Variants in FOXD2 observed in about 807,000 individuals in gnomAD.
The protein encoded by FOXD2 is forkhead box D2.
Under a neutral mutation model 6.4 loss-of-function variants are expected in FOXD2, and 4 were observed. The ratio of observed to expected loss-of-function variants is 0.62; its 90% confidence interval spans 0.31 to 1.42. The LOEUF (loss-of-function observed/expected upper bound fraction) is 1.42. Ranked by LOEUF, FOXD2 falls within the 40% of genes most tolerant of loss-of-function variation. The pLI, the probability that FOXD2 is intolerant of heterozygous loss-of-function variation, is 0.08. For synonymous variants in FOXD2, 393 were observed against 373.6 expected (o/e 1.05, Z -0.60); for missense variants, 709 against 766.8 (o/e 0.92, Z 0.89).
chr1:47,439,898 T>G lies in FOXD2; in HGVS notation c.*275T>G. On this transcript the variant is annotated 3_prime_UTR_variant, in exon 1 of 1. Transcript: ENST00000334793. The stretch of plus-strand genomic sequence containing the variant: ...AAATAAAAGCAGGGGGGTGGGGGCT[T>G]CGTTTTTTTCCCTGCCTCTGCGCCT... The G allele has an allele frequency of 2.3e-6, 1 of 437,628 alleles. No homozygotes were observed. The highest frequency in any genetic ancestry group is 4.2e-6 in the Non-Finnish European group (1 of 239,476). The allele number at this position is 437,628 out of a possible 1,614,324, so 27.1% of individuals were successfully genotyped here.
chr1:47,439,011 G>GCACCCA lies in FOXD2; in HGVS notation c.879_880insCCACAC (p.Pro292_His293dup), dbSNP rs1190818993. 4.2e-6 allele frequency: 6 copies of GCACCCA among 1,445,436 alleles called. No individual in the cohort carries two copies. Among genetic ancestry groups the GCACCCA allele is most frequent in the East Asian group, 6.2e-5 (2 of 32,280 alleles). The allele number at this position is 1,445,436 out of a possible 1,614,324, so 89.5% of individuals were successfully genotyped here. A position where few individuals can be genotyped will look rare whatever the true frequency, so the allele number is the denominator to read the frequency against. The stretch of plus-strand genomic sequence containing the variant: ...CGGCCCCGCATCCGCACCCGCACCC[G>GCACCCA]CACGCCTTCGCTTTCGCCGCGGCAG... On this transcript the variant is annotated inframe_insertion, in exon 1 of 1. Transcript: ENST00000334793.
chr1:47,439,176 G>A lies in FOXD2; in HGVS notation c.1041G>A (p.Pro347=). The A allele has an allele frequency of 1.4e-6, 2 of 1,437,488 alleles. No individual in the cohort carries two copies. Among genetic ancestry groups the A allele is most frequent in the South Asian group, 1.4e-5 (1 of 71,922 alleles). 89.0% of individuals were successfully genotyped at this position (1,437,488 alleles called of 1,614,324 possible). A position where few individuals can be genotyped will look rare whatever the true frequency, so the allele number is the denominator to read the frequency against. The change falls in exon 1 of 1, where the codon CCG becomes CCA. Residue 347 remains proline, a synonymous_variant. Transcript: ENST00000334793. ...PAPASGSGPG[P]GPAGLPAFLG... is the part of the protein sequence containing the mutation. ...CTGCCTCAGGCTCGGGCCCGGGCCC[G>A]GGCCCCGCAGGCCTGCCCGCCTTCC... is the stretch of plus-strand genomic sequence containing the variant.
chr1:47,438,130 G>A lies in FOXD2; in HGVS notation c.-6G>A. Reference sequence around the variant, plus strand: ...GGAGAGTGGCGGCGGCGGCGGCAGCGGCACCATGACCCTGGGCAGCTGCTG... The same window carrying A: ...GGAGAGTGGCGGCGGCGGCGGCAGCAGCACCATGACCCTGGGCAGCTGCTG... On this transcript the variant is annotated 5_prime_UTR_variant, in exon 1 of 1. Transcript: ENST00000334793. The A allele has an allele frequency of 2.8e-6, 4 of 1,414,998 alleles. No homozygotes were observed. Among genetic ancestry groups the A allele is most frequent in the Non-Finnish European group, 3.7e-6 (4 of 1,087,822 alleles). 87.7% of individuals were successfully genotyped at this position (1,414,998 alleles called of 1,614,324 possible).
Position 47,439,643 on chromosome 1 carries a change from G to A in FOXD2, c.*20G>A. The A allele has an allele frequency of 6.5e-7, 1 of 1,543,370 alleles. No homozygotes were observed. Among genetic ancestry groups the A allele is most frequent in the Non-Finnish European group, 8.7e-7 (1 of 1,144,222 alleles). ...TTCTGACCGCAGCAGGCCCAGGGCC[G>A]GTTAGGTCCGCACTCCTCAGCCTCT... On this transcript the variant is annotated 3_prime_UTR_variant, in exon 1 of 1. Transcript: ENST00000334793.
Position 47,438,439 on chromosome 1 carries a change from G to A in FOXD2, c.304G>A (p.Ala102Thr). Residue 102 changes from alanine to threonine, a missense_variant, in exon 1 of 1, where the codon GCG (alanine) becomes ACG (threonine). Coordinates refer to ENST00000334793, the MANE Select transcript of FOXD2 (RefSeq NM_004474.4). ...AGCGGGGAGCCCGGGGCCAGGCGCC[G>A]CGGCGGCCCGCGGCGCAGCGGGGCC... is the stretch of plus-strand genomic sequence containing the variant. ...AAAGSPGPGA[A>T]AARGAAGPGP... The A allele has an allele frequency of 9.6e-7, 1 of 1,036,864 alleles. No individual in the cohort carries two copies. The highest frequency in any genetic ancestry group is 1.2e-6 in the Non-Finnish European group (1 of 860,434). The allele number at this position is 1,036,864 out of a possible 1,614,324, so 64.2% of individuals were successfully genotyped here. A position where few individuals can be genotyped will look rare whatever the true frequency, so the allele number is the denominator to read the frequency against.
Position 47,439,096 on chromosome 1 carries a change from G to A in FOXD2, c.961G>A (p.Gly321Arg). 2 of 1,456,240 alleles carry A rather than the reference G, an allele frequency of 1.4e-6. No individual in the cohort carries two copies. The highest frequency in any genetic ancestry group is 1.8e-6 in the Non-Finnish European group (2 of 1,109,304). The allele number at this position is 1,456,240 out of a possible 1,614,324, so 90.2% of individuals were successfully genotyped here. ...AGGCCGCGCCGCCGCGCCTCCACCCGGACCTCCGACGGCCTCGGTGTTCGC... is the reference window on the plus strand; with the variant it reads ...AGGCCGCGCCGCCGCGCCTCCACCCAGACCTCCGACGGCCTCGGTGTTCGC... Reference protein sequence around the residue: ...PPGRAAAPPPGPPTASVFAGA... With the variant: ...PPGRAAAPPPRPPTASVFAGA... Residue 321 changes from glycine to arginine, a missense_variant, in exon 1 of 1, where the codon GGA becomes AGA. By Grantham distance (125) the Gly-to-Arg change is moderately radical. Transcript: ENST00000334793.
chr1:47,438,456 A>C lies in FOXD2; in HGVS notation c.321A>C (p.Ala107=). Residue 107 remains alanine (A), a synonymous_variant, in exon 1 of 1, where the codon GCA becomes GCC. Transcript: ENST00000334793. ...PGPGAAAARG[A]AGPGPGPPSG... is the part of the protein sequence containing the mutation. ...CAGGCGCCGCGGCGGCCCGCGGCGC[A>C]GCGGGGCCCGGGCCGGGACCGCCGT... 8.0e-7 allele frequency: 1 copy of C among 1,254,098 alleles called. No individual in the cohort carries two copies. 77.7% of individuals were successfully genotyped at this position (1,254,098 alleles called of 1,614,324 possible). A position where few individuals can be genotyped will look rare whatever the true frequency, so the allele number is the denominator to read the frequency against.
At position 47,438,967 on chromosome 1, in the gene FOXD2, G is replaced by A. The variant is rs1400118974; in HGVS notation, c.832G>A (p.Gly278Ser). 6.8e-7 allele frequency: 1 copy of A among 1,473,796 alleles called. No homozygotes were observed. The highest frequency in any genetic ancestry group is 1.3e-5 in the South Asian group (1 of 76,784). The allele number at this position is 1,473,796 out of a possible 1,614,324, so 91.3% of individuals were successfully genotyped here. A position where few individuals can be genotyped will look rare whatever the true frequency, so the allele number is the denominator to read the frequency against. ...CTACGGGCTGGCTCTCCCGGCCTAC[G>A]GCGCACCCCCGCCGGGGCCGGCCCC... ...YGYGLALPAY[G>S]APPPGPAPHP... The change falls in exon 1 of 1, where the codon GGC becomes AGC. Residue 278 changes from glycine to serine, a missense_variant. By Grantham distance (56) the Gly-to-Ser change is moderately conservative. Transcript: ENST00000334793.
In FOXD2 at chr1:47,439,243, T is replaced by A. The variant is rs1306793840; in HGVS notation, c.1108T>A (p.Ser370Thr). ...CTGCGCCAAAGCCTTCTACGCGGCG[T>A]CCCTGAGTCCTCCCGCAGCCGGCAC... is the stretch of plus-strand genomic sequence containing the variant. ...LGCAKAFYAA[S>T]LSPPAAGTAA... The change falls in exon 1 of 1, where the codon TCC becomes ACC. Residue 370 changes from serine (S) to threonine (T), a missense_variant. Physicochemically the swap from Ser to Thr is moderately conservative, Grantham distance 58. Around this residue, in one of 5 missense-constraint regions of FOXD2, gnomAD observed 322 missense variants for 313.8 expected, o/e 1.03. Transcript: ENST00000334793. 1 of 1,503,302 alleles carries A rather than the reference T, an allele frequency of 6.7e-7. No individual in the cohort carries two copies. The highest frequency in any genetic ancestry group is 8.8e-7 in the Non-Finnish European group (1 of 1,138,160). The allele number at this position is 1,503,302 out of a possible 1,614,324, so 93.1% of individuals were successfully genotyped here. A position where few individuals can be genotyped will look rare whatever the true frequency, so the allele number is the denominator to read the frequency against.
chr1:47,439,827 G>T lies in FOXD2; in HGVS notation c.*204G>T. The T allele has an allele frequency of 3.6e-6, 2 of 551,288 alleles. No individual in the cohort carries two copies. The highest frequency in any genetic ancestry group is 3.2e-6 in the Non-Finnish European group (1 of 312,614). The allele number at this position is 551,288 out of a possible 1,614,324, so 34.1% of individuals were successfully genotyped here. On this transcript the variant is annotated 3_prime_UTR_variant, in exon 1 of 1. Coordinates refer to ENST00000334793, the MANE Select transcript of FOXD2 (RefSeq NM_004474.4). ...CTCTATCGCTCAGGGCGACAGGCCC[G>T]GGGCTACGCGAAGAAGTCGCAGGCC...
chr1:47,438,292 C>T lies in FOXD2; in HGVS notation c.157C>T (p.Pro53Ser), dbSNP rs1324353527. 341 of 1,327,914 alleles carry T rather than the reference C, an allele frequency of 2.6e-4. No individual in the cohort carries two copies. Among genetic ancestry groups the T allele is most frequent in the Non-Finnish European group, 3.1e-4 (323 of 1,040,698 alleles). 82.3% of individuals were successfully genotyped at this position (1,327,914 alleles called of 1,614,324 possible). A position where few individuals can be genotyped will look rare whatever the true frequency, so the allele number is the denominator to read the frequency against. Residue 53 changes from proline (P) to serine (S), a missense_variant, in exon 1 of 1, where the codon CCC becomes TCC. Around this residue, in one of 5 missense-constraint regions of FOXD2, gnomAD observed 220 missense variants for 199.2 expected, o/e 1.10. Transcript: ENST00000334793. ...GCCCCGCGCCCCCCGGGACGTGCTC[C>T]CCCACGGCCACGAGCCTCCCGCGGA... ...SGPRAPRDVL[P>S]HGHEPPAEEA...
chr1:47,439,632 G>T lies in FOXD2; in HGVS notation c.*9G>T, dbSNP rs369927694. 6.5e-6 allele frequency: 10 copies of T among 1,547,160 alleles called. No individual in the cohort carries two copies. Among genetic ancestry groups the T allele is most frequent in the Non-Finnish European group, 7.9e-6 (9 of 1,146,284 alleles). ...GTGGCTGCCACTTCTGACCGCAGCAGGCCCAGGGCCGGTTAGGTCCGCACT... is the reference window on the plus strand; with the variant it reads ...GTGGCTGCCACTTCTGACCGCAGCATGCCCAGGGCCGGTTAGGTCCGCACT... On this transcript the variant is annotated 3_prime_UTR_variant, in exon 1 of 1. Coordinates refer to ENST00000334793, the MANE Select transcript of FOXD2 (RefSeq NM_004474.4).
chr1:47,438,297 C>A lies in FOXD2; in HGVS notation c.162C>A (p.His54Gln). The A allele has an allele frequency of 7.6e-7, 1 of 1,313,948 alleles. No homozygotes were observed. Among genetic ancestry groups the A allele is most frequent in the Non-Finnish European group, 9.7e-7 (1 of 1,032,184 alleles). 81.4% of individuals were successfully genotyped at this position (1,313,948 alleles called of 1,614,324 possible). A position where few individuals can be genotyped will look rare whatever the true frequency, so the allele number is the denominator to read the frequency against. The change falls in exon 1 of 1, where the codon CAC becomes CAA. Residue 54 changes from histidine to glutamine, a missense_variant. Physicochemically the swap from His to Gln is conservative, Grantham distance 24. Transcript: ENST00000334793. ...GCGCCCCCCGGGACGTGCTCCCCCA[C>A]GGCCACGAGCCTCCCGCGGAGGAAG... Reference protein sequence around the residue: ...GPRAPRDVLPHGHEPPAEEAE... With the variant: ...GPRAPRDVLPQGHEPPAEEAE...
rs747711168 is a variant in FOXD2, at chr1:47,439,754, C to T, written c.*131C>T. The T allele has an allele frequency of 1.1e-4, 86 of 785,296 alleles. No individual in the cohort carries two copies. Among genetic ancestry groups the T allele is most frequent in the Non-Finnish European group, 1.6e-4 (82 of 498,450 alleles). The allele number at this position is 785,296 out of a possible 1,614,324, so 48.6% of individuals were successfully genotyped here. A position where few individuals can be genotyped will look rare whatever the true frequency, so the allele number is the denominator to read the frequency against. ...TTGGGCCGGCACGCGTGACACGGCA[C>T]TTCAGGCTCCACGCACAGAATCTCG... On this transcript the variant is annotated 3_prime_UTR_variant, in exon 1 of 1. Transcript: ENST00000334793.
At position 47,438,192 on chromosome 1, in the gene FOXD2, G is replaced by A. The variant is rs1431845154; in HGVS notation, c.57G>A (p.Ala19=). The change falls in exon 1 of 1, where the codon GCG becomes GCA. Residue 19 remains alanine (A), a synonymous_variant. Coordinates refer to ENST00000334793, the MANE Select transcript of FOXD2 (RefSeq NM_004474.4). ...TGTCCTCCGAGAGCTCCCCGGCCGC[G>A]CTGTCCGAGGCCGACGCAGACATAG... The part of the protein sequence containing the change: ...EIMSSESSPA[A]LSEADADIDV... The A allele has an allele frequency of 2.1e-6, 3 of 1,462,554 alleles. No individual in the cohort carries two copies. The highest frequency in any genetic ancestry group is 1.3e-5 in the South Asian group (1 of 76,634). 90.6% of individuals were successfully genotyped at this position (1,462,554 alleles called of 1,614,324 possible). A position where few individuals can be genotyped will look rare whatever the true frequency, so the allele number is the denominator to read the frequency against.
chr1:47,438,116 G>T lies in FOXD2; in HGVS notation c.-20G>T. 3 of 1,396,568 alleles carry T rather than the reference G, an allele frequency of 2.1e-6. No individual in the cohort carries two copies. Among genetic ancestry groups the T allele is most frequent in the Non-Finnish European group, 2.8e-6 (3 of 1,079,088 alleles). 86.5% of individuals were successfully genotyped at this position (1,396,568 alleles called of 1,614,324 possible). On this transcript the variant is annotated 5_prime_UTR_variant, in exon 1 of 1. Transcript: ENST00000334793. ...GCCGGAGCGGAGCCGGAGAGTGGCG[G>T]CGGCGGCGGCAGCGGCACCATGACC...
chr1:47,438,070 C>A lies in FOXD2; in HGVS notation c.-66C>A. On this transcript the variant is annotated 5_prime_UTR_variant, in exon 1 of 1. Coordinates refer to ENST00000334793, the MANE Select transcript of FOXD2 (RefSeq NM_004474.4). ...CAAAACGCACTCGCCCCAGAGGCAG[C>A]GCGGCCGAGCCCGAGCCGCTGCCGG... 2 of 1,297,294 alleles carry A rather than the reference C, an allele frequency of 1.5e-6. No homozygotes were observed. The highest frequency in any genetic ancestry group is 4.4e-5 in the South Asian group (2 of 45,120). 80.4% of individuals were successfully genotyped at this position (1,297,294 alleles called of 1,614,324 possible).
At position 47,440,466 on chromosome 1, in the gene FOXD2, G is replaced by A. The variant is rs908183158; in HGVS notation, c.*843G>A. On this transcript the variant is annotated 3_prime_UTR_variant, in exon 1 of 1. Coordinates refer to ENST00000334793, the MANE Select transcript of FOXD2 (RefSeq NM_004474.4). ...CAGGGACTGGAGAGGTGGGGGTGGA[G>A]TGGGCAAGGGCACACCCTGTGGCAG... The A allele has an allele frequency of 6.0e-6, 1 of 167,076 alleles. No homozygotes were observed. Among genetic ancestry groups the A allele is most frequent in the Non-Finnish European group, 1.5e-5 (1 of 68,162 alleles). 10.3% of individuals were successfully genotyped at this position (167,076 alleles called of 1,614,324 possible).
chr1:47,440,410 A>G lies in FOXD2; in HGVS notation c.*787A>G, dbSNP rs1647001024. 1 of 167,042 alleles carries G rather than the reference A, an allele frequency of 6.0e-6. No individual in the cohort carries two copies. The highest frequency in any genetic ancestry group is 2.4e-5 in the African/African-American group (1 of 41,422). The allele number at this position is 167,042 out of a possible 1,614,324, so 10.3% of individuals were successfully genotyped here. ...GTGATATTTATTGTGGCTAAAGGCA[A>G]TGAGATTGGGTGGAAGAGAAGGGTC... On this transcript the variant is annotated 3_prime_UTR_variant, in exon 1 of 1. Transcript: ENST00000334793.
Sources: gnomAD v4.1 joint callset for allele counts on GRCh38, gnomAD v4.1.1 for gene constraint, gnomAD v4.1.1 regional missense constraint, MANE v1.5 for transcripts, NCBI Gene and HGNC (gene_info 2026-07-23, HGNC 2026-07-21) for gene names.